KIAA0586: variants seen among roughly 807,000 people sequenced by gnomAD.
KIAA0586 encodes protein TALPID3.
In KIAA0586, 144 loss-of-function variants were observed where a neutral mutation model predicts 169.8. That is an observed-to-expected ratio of 0.85 (90% CI 0.74 to 0.97). KIAA0586 has a LOEUF of 0.97. Among genes scored for constraint, KIAA0586 ranks in the 50% least tolerant of loss-of-function variants. The pLI, the probability that KIAA0586 is intolerant of heterozygous loss-of-function variation, is 0.00. For synonymous variants in KIAA0586, 625 were observed against 612.4 expected (o/e 1.02, Z -0.30); for missense variants, 1,854 against 1,823.0 (o/e 1.02, Z -0.31).
At chr14:58,541,764 A>G (rs1174249685) in intron 30 of KIAA0586, among the ~76,000 whole-genome samples, 1 of 152,184 alleles carries the variant, frequency 6.6e-6, no homozygotes, top group African/African-American at 2.4e-5. Flanking sequence ...GTATTAAATT[A>G]TGTCTCAGGA....
At chr14:58,444,491 T>C (rs1176244121) in intron 6 of KIAA0586, among the ~76,000 whole-genome samples, 1 of 152,128 alleles carries the variant, frequency 6.6e-6, no homozygotes, top group Non-Finnish European at 1.5e-5. Flanking sequence ...TAGTAGAATC[T>C]CCAGTCACTA....
At chr14:58,484,852 G>C (rs2042260625) in intron 21 of KIAA0586, among the ~76,000 whole-genome samples, 1 of 107,786 alleles carries the variant, frequency 9.3e-6, no homozygotes, top group Admixed American at 1.2e-4. Context: ...ACTTTAGAAT[G>C]AAGAAAAAGT....
chr14:58,504,336 G>GA (rs754421018), intron 27 of KIAA0586, among the ~76,000 whole-genome samples: 14 of 152,166 alleles, frequency 9.2e-5, no homozygotes, highest in Admixed American at 5.9e-4. Context: ...GAAAGTCTAA[G>GA]AAATCCCTAG....
At position 58,442,778 on chromosome 14, in the gene KIAA0586, T is replaced by C. The variant is rs1217772596; in HGVS notation, c.483T>C (p.Ala161=). 3.7e-6 allele frequency: 6 copies of C among 1,602,134 alleles called. No homozygotes were observed. In the South Asian group the frequency reaches 6.7e-5, roughly 18 times the overall value. The change falls in exon 5 of 31, where the codon GCT becomes GCC. Residue 161 remains alanine (A), a synonymous_variant. Transcript: ENST00000652326. ...LLEDAGIEKD[A]VTQETRISPS... ...AAGATGCAGGCATAGAGAAGGATGCTGTTACTCAGGAGACTAGAATTTCAC... is the reference window on the plus strand; with the variant it reads ...AAGATGCAGGCATAGAGAAGGATGCCGTTACTCAGGAGACTAGAATTTCAC...
chr14:58,527,438 T>G lies in KIAA0586; in HGVS notation c.4430-12633T>G, dbSNP rs913322601. 2.6e-5 allele frequency among the ~76,000 whole-genome samples: 4 copies of G among 152,236 alleles called. 1 individual carries two copies. On this transcript the variant is annotated intron_variant, in intron 29 of 30. Coordinates refer to ENST00000652326, the MANE Select transcript of KIAA0586 (RefSeq NM_001329943.3). ...CAAGGTTGAAATGAAGGAAAAAATGTTAAGGGCAGCCAGAGAGAAAGGTTG... is the reference window on the plus strand; with the variant it reads ...CAAGGTTGAAATGAAGGAAAAAATGGTAAGGGCAGCCAGAGAGAAAGGTTG...
At chr14:58,497,390 C>G (rs1007857544) in intron 26 of KIAA0586, among the ~76,000 whole-genome samples, 4 of 148,428 alleles carry the variant, frequency 2.7e-5, no homozygotes, top group African/African-American at 1.0e-4. Flanking sequence ...GACAGAGTAT[C>G]ACTCTGTCGC....
chr14:58,459,962 C>A lies in KIAA0586; in HGVS notation c.1776C>A (p.Asn592Lys). The A allele has an allele frequency of 6.5e-7, 1 of 1,533,626 alleles. No individual in the cohort carries two copies. The highest frequency in any genetic ancestry group is 8.7e-7 in the Non-Finnish European group (1 of 1,145,048). ...IRTNTQDKTV[N>K]KSVIPRKHSQ... ...CCAACACACAAGATAAAACTGTCAA[C>A]AAATCTGTAATTCCAAGAAAACATT... Residue 592 changes from asparagine to lysine, a missense_variant, in exon 13 of 31, where the codon AAC becomes AAA. Asn to Lys is a moderately conservative substitution (Grantham distance 94). Coordinates refer to ENST00000652326, the MANE Select transcript of KIAA0586 (RefSeq NM_001329943.3).
chr14:58,478,260 A>C (rs758025762), intron 20 of KIAA0586, among the ~76,000 whole-genome samples: 3 of 152,182 alleles, frequency 2.0e-5, no homozygotes, highest in Non-Finnish European at 4.4e-5. Flanking sequence ...AGGAGGGCAG[A>C]TCACCTGAGG....
intron 29 of KIAA0586, among the ~76,000 whole-genome samples, chr14:58,527,815 C>G (rs971452048): frequency 3.3e-5 from 5 of 152,126 alleles, no homozygotes; most frequent in Non-Finnish European, 2.9e-5. Flanking sequence ...GCAAAATAAC[C>G]AGCTAGCATC....
rs373310831 is a variant in KIAA0586 at position 58,519,342 on chromosome 14, A to C, written c.4429+6715A>C. Among the ~76,000 whole-genome samples the C allele has an allele frequency of 2.6e-5, 4 of 152,200 alleles. 1 individual carries two copies. On this transcript the variant is annotated intron_variant, in intron 29 of 30. Transcript: ENST00000652326. ...GCATCCTCAACCTCCTGGGCTCAGG[A>C]AGTCTTCCTGCCCCAGCTTCCATGT...
rs1595046205 is a variant in KIAA0586 at position 58,427,768 on chromosome 14, G to C, written c.-497G>C. 3 of 1,529,860 alleles carry C rather than the reference G, an allele frequency of 2.0e-6. No homozygotes were observed. The Admixed American group carries it at 5.9e-5, about 30-fold the overall frequency. 94.8% of individuals were successfully genotyped at this position (1,529,860 alleles called of 1,614,324 possible). On this transcript the variant is annotated 5_prime_UTR_variant, in exon 1 of 31. Transcript: ENST00000652326. ...CGGTGCGGGTCTCGGGCGTTCTGGA[G>C]ATACGTAGGGGTGAATTTATGTTTC...
chr14:58,481,042 G>T (rs1029307140), intron 20 of KIAA0586, among the ~76,000 whole-genome samples: 1 of 152,114 alleles, frequency 6.6e-6, no homozygotes, highest in Non-Finnish European at 1.5e-5. Context: ...ATGAATTATG[G>T]AAACTAAAAA....
At chr14:58,510,541 G>A (rs775699784) in intron 28 of KIAA0586, among the ~76,000 whole-genome samples, 8 of 152,172 alleles carry the variant, frequency 5.3e-5, no homozygotes, top group Non-Finnish European at 8.8e-5. Flanking sequence ...GATTGGGAAT[G>A]TAAAACGATC....
rs139729096 is a variant in KIAA0586 at position 58,541,781 on chromosome 14, T to C, written c.4495+1645T>C. 4.7e-4 allele frequency among the ~76,000 whole-genome samples: 71 copies of C among 152,330 alleles called. 1 individual carries two copies. In the East Asian group the frequency reaches 0.011, roughly 23 times the overall value. The stretch of plus-strand genomic sequence containing the variant: ...ATTAAATTATGTCTCAGGAAGCTTC[T>C]AACGCATGGTCTGACTCCATGGCAT... On this transcript the variant is annotated intron_variant, in intron 30 of 30. Transcript: ENST00000652326.
intron 29 of KIAA0586, among the ~76,000 whole-genome samples, chr14:58,524,761 T>C (rs754036206): frequency 3.3e-5 from 5 of 152,220 alleles, no homozygotes; most frequent in Non-Finnish European, 7.3e-5. Flanking sequence ...TGACATATAT[T>C]AAGAGCTATT....
At chr14:58,514,077 T>G (rs1355104249) in intron 29 of KIAA0586, among the ~76,000 whole-genome samples, 1 of 152,082 alleles carries the variant, frequency 6.6e-6, no homozygotes, top group African/African-American at 2.4e-5. Context: ...AAGAGAACAT[T>G]TTAAATACAG....
At chr14:58,551,952 T>A (rs1335443193), downstream of KIAA0586, among the ~76,000 whole-genome samples, 1 of 152,196 alleles carries the variant, frequency 6.6e-6, no homozygotes, top group Admixed American at 6.5e-5. Context: ...CATATGTGCA[T>A]CTGTTTAACA....
At chr14:58,510,774 A>G (rs1749007) in intron 28 of KIAA0586, among the ~76,000 whole-genome samples, 149,256 of 152,066 alleles carry the variant, frequency 0.98, 73,310 homozygotes, top group East Asian at 1. Flanking sequence ...CTGTACAGTG[A>G]AATACTTAGC....
At chr14:58,561,433 T>G in the KIAA0586 span, among the ~76,000 whole-genome samples, 12 of 152,220 alleles carry the variant, frequency 7.9e-5, no homozygotes, top group African/African-American at 2.9e-4. Context: ...TGCACTAATT[T>G]GTAGCCTTGT....
Sources: gnomAD v4.1 joint callset for allele counts (sites outside exome capture counted in the v4.1 genomes callset) on GRCh38, gnomAD v4.1.1 for gene constraint, MANE v1.5 for transcripts, NCBI Gene and HGNC (gene_info 2026-07-23, HGNC 2026-07-21) for gene names.